The following STK32C variants were observed in gnomAD, a reference collection of about 807,000 sequenced individuals.
The protein encoded by STK32C is serine/threonine-protein kinase 32C.
In STK32C, 31 loss-of-function variants were observed where a neutral mutation model predicts 56.5. That is an observed-to-expected ratio of 0.55 (90% CI 0.41 to 0.74). The LOEUF (loss-of-function observed/expected upper bound fraction) is 0.74. Ranked by LOEUF, STK32C falls within the 30% of genes least tolerant of loss-of-function variation. The pLI, the probability that STK32C is intolerant of heterozygous loss-of-function variation, is 0.00. For synonymous variants in STK32C, 309 were observed against 289.4 expected, an observed-to-expected ratio of 1.07 and a Z score of -0.69; for missense variants, 544 against 676.9, an observed-to-expected ratio of 0.80 and a Z score of 2.18.
intron 1 of STK32C, among the ~76,000 whole-genome samples, chr10:132,317,450 A>C (rs565393254): frequency 1.3e-5 from 2 of 152,354 alleles, no homozygotes; most frequent in East Asian, 1.9e-4. Flanking sequence ...AGACAAGGGG[A>C]AAGGTTGGAA....
intron 1 of STK32C, among the ~76,000 whole-genome samples, chr10:132,288,176 G>A (rs1590401397): frequency 6.6e-6 from 1 of 151,968 alleles, no homozygotes; most frequent in East Asian, 1.9e-4. Context: ...AGTGAGGGAG[G>A]GAAGAAGAGG....
At chr10:132,315,549 A>G (rs1211276356) in intron 1 of STK32C, among the ~76,000 whole-genome samples, 1 of 152,238 alleles carries the variant, frequency 6.6e-6, no homozygotes, top group African/African-American at 2.4e-5. Context: ...GCCTAATAAG[A>G]AGACTTCAAA....
chr10:132,279,705 C>CATG (rs2065097533), intron 1 of STK32C, among the ~76,000 whole-genome samples: 1 of 150,502 alleles, frequency 6.6e-6, no homozygotes, highest in African/African-American at 2.5e-5. Flanking sequence ...ACTCCGTGAT[C>CATG]ACGACACTCC....
intron 1 of STK32C, among the ~76,000 whole-genome samples, chr10:132,316,732 A>G (rs558191065): frequency 6.6e-6 from 1 of 152,318 alleles, no homozygotes; most frequent in South Asian, 2.1e-4. Context: ...ATTAGAAATG[A>G]AGAAAAGGCT....
At chr10:132,299,249 GCA>G (rs1397802648) in intron 1 of STK32C, among the ~76,000 whole-genome samples, 1 of 149,032 alleles carries the variant, frequency 6.7e-6, no homozygotes, top group East Asian at 1.9e-4. Flanking sequence ...AGACCCAGCA[GCA>G]CAGACAGCTA....
At chr10:132,279,564 G>A (rs1283634607) in intron 1 of STK32C, among the ~76,000 whole-genome samples, 1 of 151,956 alleles carries the variant, frequency 6.6e-6, no homozygotes, top group African/African-American at 2.4e-5. Flanking sequence ...GGTCAAGGCT[G>A]CAATGAGCCA....
chr10:132,259,045 T>C (rs1193134619), intron 1 of STK32C, among the ~76,000 whole-genome samples: 3 of 125,758 alleles, frequency 2.4e-5, no homozygotes, highest in African/African-American at 3.8e-5. Context: ...CACCGGGTAC[T>C]GGGGGCACAG....
chr10:132,225,696 G>A (rs2062863268), intron 5 of STK32C, 51 bp downstream of exon 5: 4 of 1,612,190 alleles, frequency 2.5e-6, no homozygotes, highest in Non-Finnish European at 3.4e-6. Context: ...CCCCTGACAG[G>A]CCCATCCCTG....
chr10:132,248,313 G>A (rs1343438087), intron 1 of STK32C, among the ~76,000 whole-genome samples: 7 of 152,226 alleles, frequency 4.6e-5, no homozygotes, highest in Non-Finnish European at 7.3e-5. Context: ...GGGAGATGGG[G>A]ACACCAATGC....
intron 1 of STK32C, among the ~76,000 whole-genome samples, chr10:132,279,066 A>G (rs1037152174): frequency 4.6e-5 from 7 of 152,182 alleles, no homozygotes; most frequent in African/African-American, 1.7e-4. Flanking sequence ...GACGGGGCAT[A>G]TAAGTGGCCC....
intron 1 of STK32C, among the ~76,000 whole-genome samples, chr10:132,315,320 G>A (rs2066291902): frequency 6.6e-6 from 1 of 151,590 alleles, no homozygotes; most frequent in Non-Finnish European, 1.5e-5. Context: ...CCTGCTGGGG[G>A]TTTGGGGGCA....
intron 2 of STK32C, among the ~76,000 whole-genome samples, chr10:132,233,422 C>A (rs969091001): frequency 2.6e-5 from 4 of 152,212 alleles, no homozygotes; most frequent in African/African-American, 9.6e-5. Flanking sequence ...TGGATGAGCT[C>A]AGGATTCTAA....
At chr10:132,260,536 C>T (rs1453707510) in intron 1 of STK32C, among the ~76,000 whole-genome samples, 2 of 152,244 alleles carry the variant, frequency 1.3e-5, no homozygotes, top group Non-Finnish European at 2.9e-5. Flanking sequence ...GTTGTCGGGT[C>T]CTGGGTGTTG....
chr10:132,309,951 ACT>A (rs2066188519), upstream of STK32C, among the ~76,000 whole-genome samples: 1 of 152,162 alleles, frequency 6.6e-6, no homozygotes, highest in Non-Finnish European at 1.5e-5. Flanking sequence ...TAGAAAGCTG[ACT>A]CTGAAGATTG....
At chr10:132,221,883 T>C (rs1189548821) in intron 10 of STK32C, among the ~76,000 whole-genome samples, 5 of 98,336 alleles carry the variant, frequency 5.1e-5, no homozygotes, top group Admixed American at 2.0e-4. Context: ...CACACACAAC[T>C]AATATCAACG....
chr10:132,249,929 T>G (rs779636861), intron 1 of STK32C, among the ~76,000 whole-genome samples: 1 of 152,216 alleles, frequency 6.6e-6, no homozygotes, highest in South Asian at 2.1e-4. Context: ...AGGTGAGCTC[T>G]CATTCCAGCA....
At chr10:132,324,273 A>G (rs149851096) in exon 2 of STK32C, 15,603 of 779,772 alleles carry the variant, frequency 0.02, 328 homozygotes, top group South Asian at 0.048. Flanking sequence ...ACACACCCCC[A>G]GCTTTTTCAT....
At chr10:132,223,556 C>A (rs377242857) in intron 8 of STK32C, among the ~76,000 whole-genome samples, 3 of 152,264 alleles carry the variant, frequency 2.0e-5, no homozygotes, top group African/African-American at 7.2e-5. Context: ...CCCTCTCTAG[C>A]CCAGTGCCAC....
intron 1 of STK32C, among the ~76,000 whole-genome samples, chr10:132,292,868 C>T (rs900176322): frequency 6.6e-6 from 1 of 152,100 alleles, no homozygotes; most frequent in Non-Finnish European, 1.5e-5. Context: ...CCAAGCCCCG[C>T]GACGACCCGC....
Sources: gnomAD v4.1 joint callset for allele counts (sites outside exome capture counted in the v4.1 genomes callset) on GRCh38, gnomAD v4.1.1 for gene constraint, MANE v1.5 for transcripts, NCBI Gene and HGNC (gene_info 2026-07-23, HGNC 2026-07-21) for gene names.